The following TRPM8 variants were observed in gnomAD, a reference collection of about 807,000 sequenced individuals.
The protein encoded by TRPM8 is transient receptor potential cation channel subfamily M member 8.
TRPM8 carries 110 observed loss-of-function variants against 133.7 expected under a neutral mutation model. The observed-to-expected ratio is 0.82, with a 90% CI of 0.70 to 0.96. The LOEUF (loss-of-function observed/expected upper bound fraction) is 0.96, where lower values mean the gene tolerates loss of function less well. TRPM8 is among the 40% of genes least tolerant of loss of function. The probability of loss-of-function intolerance (pLI) is 0.00; values close to 1 mark genes in which losing one functional copy is unlikely to be tolerated. For synonymous variants in TRPM8, 535 were observed against 532.3 expected (o/e 1.01, Z -0.07); for missense variants, 1,291 against 1,379.5 (o/e 0.94, Z 1.02).
intron 21 of TRPM8, among the ~76,000 whole-genome samples, 177 bp from the exon 22 acceptor site, chr2:233,996,148 GA>G (rs150846828): frequency 1.1e-3 from 171 of 149,500 alleles, no homozygotes; most frequent in African/African-American, 4.1e-3. Context: ...AGCATGAATT[GA>G]AGGTCACTTT....
intron 8 of TRPM8, chr2:233,947,692 C>A: frequency 9.8e-7 from 1 of 1,016,510 alleles, no homozygotes; most frequent in Non-Finnish European, 1.3e-6. Context: ...TTTGACTTCC[C>A]AGCCAATCTG....
At chr2:233,996,238 T>C (rs921989700) in intron 21 of TRPM8, 88 bp from the exon 22 acceptor site, 18 of 1,223,610 alleles carry the variant, frequency 1.5e-5, no homozygotes, top group Middle Eastern at 5.4e-4. Context: ...ATTGCAGTAA[T>C]AGCTTAATAC....
At chr2:233,936,644 G>T (rs1690750645) in intron 3 of TRPM8, among the ~76,000 whole-genome samples, 1 of 152,220 alleles carries the variant, frequency 6.6e-6, no homozygotes, top group Non-Finnish European at 1.5e-5. Context: ...TACTGGCTGG[G>T]CAAACTGGCA....
chr2:233,939,001 A>G lies in TRPM8; in HGVS notation c.352A>G (p.Ile118Val), dbSNP rs1690832516. Residue 118 changes from isoleucine (I) to valine (V), a missense_variant, in exon 5 of 26, where the codon ATA (isoleucine) becomes GTA (valine). This residue lies in a region of TRPM8 where 963 missense variants were observed against 968.9 expected (regional missense o/e 0.99). Transcript: ENST00000324695. ...FETLGKKGKY[I>V]RLSCDTDAEI... is the part of the protein sequence containing the mutation. The stretch of plus-strand genomic sequence containing the variant: ...ACTTCTGCTTCTCTCCCCATAGTAT[A>G]TACGTCTGTCCTGCGACACGGACGC... 1 of 1,614,142 alleles carries G rather than the reference A, an allele frequency of 6.2e-7. No individual in the cohort carries two copies. The highest frequency in any genetic ancestry group is 8.5e-7 in the Non-Finnish European group (1 of 1,180,014).
intron 17 of TRPM8, 146 bp from the exon 18 acceptor site, chr2:233,980,042 A>G: frequency 6.1e-6 from 4 of 656,264 alleles, no homozygotes; most frequent in Non-Finnish European, 1.1e-5. Flanking sequence ...GGCACGTGGT[A>G]GGGCTCACTT....
intron 1 of TRPM8, among the ~76,000 whole-genome samples, chr2:233,925,058 C>T (rs1691487262): frequency 6.6e-6 from 1 of 152,158 alleles, no homozygotes; most frequent in Admixed American, 6.5e-5. Context: ...ATGGAGGAGT[C>T]ATGGCCCCCT....
chr2:233,948,352 C>T (rs1691093549), intron 8 of TRPM8, among the ~76,000 whole-genome samples: 1 of 152,084 alleles, frequency 6.6e-6, no homozygotes, highest in Middle Eastern at 3.4e-3. Flanking sequence ...GTATTAAAAC[C>T]TTTTTATGCC....
At chr2:234,001,957 G>A (rs1692576827) in intron 22 of TRPM8, among the ~76,000 whole-genome samples, 1 of 152,198 alleles carries the variant, frequency 6.6e-6, no homozygotes. Flanking sequence ...GAAGCTATCT[G>A]TGCCCTCGAG....
In TRPM8 at chr2:233,989,152, G is replaced by A. The variant is rs530833041; in HGVS notation, c.2939+3287G>A. ...AATCTATGCACATGAGCTGTCTGAA[G>A]GAGCCATTCATGAGAACCGGGCACT... On this transcript the variant is annotated intron_variant, in intron 21 of 25. Coordinates refer to ENST00000324695, the MANE Select transcript of TRPM8 (RefSeq NM_024080.5). The surrounding 1 kb of genome is among the most constrained non-coding windows in gnomAD (Gnocchi z 4.2). 3.3e-5 allele frequency among the ~76,000 whole-genome samples: 5 copies of A among 152,330 alleles called. No homozygotes were observed. The highest frequency in any genetic ancestry group is 1.2e-4 in the African/African-American group (5 of 41,582).
chr2:234,014,361 C>T (rs1692909325), intron 24 of TRPM8, among the ~76,000 whole-genome samples: 1 of 152,088 alleles, frequency 6.6e-6, no homozygotes, highest in African/African-American at 2.4e-5. Flanking sequence ...TTACTAATTG[C>T]TAGTGATATG....
At chr2:234,016,180 G>A (rs956716281) in intron 25 of TRPM8, among the ~76,000 whole-genome samples, 7 of 151,938 alleles carry the variant, frequency 4.6e-5, no homozygotes, top group Non-Finnish European at 8.8e-5. Context: ...CTAAGAGAAG[G>A]ACATCACTTA....
intron 3 of TRPM8, 134 bp downstream of exon 3, chr2:233,930,875 C>T (rs894900237): frequency 1.3e-5 from 8 of 612,036 alleles, no homozygotes; most frequent in East Asian, 2.7e-5. Context: ...ACACTGTTTG[C>T]GCAGGAAGGA....
At chr2:234,008,832 A>G (rs568505762) in intron 24 of TRPM8, among the ~76,000 whole-genome samples, 1 of 152,342 alleles carries the variant, frequency 6.6e-6, no homozygotes, top group African/African-American at 2.4e-5. Flanking sequence ...TGAATAAATG[A>G]ACAAAAGGGG....
rs759810699 is a variant in TRPM8 at position 233,953,931 on chromosome 2, C to T, written c.1155C>T (p.Leu385=). The change falls in exon 10 of 26, where the codon CTC becomes CTT. Residue 385 remains leucine, a synonymous_variant. Transcript: ENST00000324695. ...AATTTCGCCAGCTCAAAGAAATTCT[C>T]GAATGTTCTCACCTATTAACAGTTA... ...ESWIKWLKEI[L]ECSHLLTVIK... is the part of the protein sequence containing the mutation. 20 of 1,611,386 alleles carry T rather than the reference C, an allele frequency of 1.2e-5. No individual in the cohort carries two copies. The highest frequency in any genetic ancestry group is 4.5e-5 in the East Asian group (2 of 44,862).
chr2:234,004,813 T>A (rs1175155262), intron 22 of TRPM8, among the ~76,000 whole-genome samples: 1 of 152,254 alleles, frequency 6.6e-6, no homozygotes, highest in East Asian at 1.9e-4. Flanking sequence ...TCTGTTATTT[T>A]TGTGTGGGTG....
intron 25 of TRPM8, among the ~76,000 whole-genome samples, chr2:234,015,585 A>G (rs749587019): frequency 6.6e-6 from 1 of 152,154 alleles, no homozygotes; most frequent in Non-Finnish European, 1.5e-5. Flanking sequence ...CTATAGGGGA[A>G]ATCATGTTGC....
Position 233,969,689 on chromosome 2 carries a change from C to T in TRPM8, c.2026-6C>T, listed in dbSNP as rs755183588. On this transcript the variant is annotated splice_polypyrimidine_tract_variant and splice_region_variant and intron_variant, in intron 15 of 25. Transcript: ENST00000324695. The stretch of plus-strand genomic sequence containing the variant: ...GACCTTGTTCTCTGTCTTTGTTTCC[C>T]TGTAGAATTTTCTTTCTAAGCAATG... 6.4e-7 allele frequency: 1 copy of T among 1,566,308 alleles called. No homozygotes were observed.
At chr2:234,012,262 T>C (rs1183974847) in intron 24 of TRPM8, among the ~76,000 whole-genome samples, 4 of 151,758 alleles carry the variant, frequency 2.6e-5, no homozygotes, top group Non-Finnish European at 2.9e-5. Flanking sequence ...ATTCTCCTGC[T>C]TCAGCCTCCT....
Position 233,963,353 on chromosome 2 carries a change from A to G in TRPM8, c.1725A>G (p.Glu575=). The change falls in exon 13 of 26, where the codon GAA becomes GAG. Residue 575 remains glutamate, a synonymous_variant. Transcript: ENST00000324695. ...FIWAILQNKK[E]LSKVIWEQTR... Reference sequence around the variant, plus strand: ...GGGCCATTCTTCAGAATAAGAAGGAACTCTCCAAAGTCATTTGGGAGCAGG... The same window carrying G: ...GGGCCATTCTTCAGAATAAGAAGGAGCTCTCCAAAGTCATTTGGGAGCAGG... The G allele has an allele frequency of 6.2e-7, 1 of 1,612,884 alleles. No individual in the cohort carries two copies. The highest frequency in any genetic ancestry group is 1.1e-5 in the South Asian group (1 of 90,730).
Sources: allele counts gnomAD v4.1 joint callset (sites outside exome capture counted in the v4.1 genomes callset), GRCh38; gene constraint gnomAD v4.1.1; regional missense constraint gnomAD v4.1.1; non-coding constraint Gnocchi (gnomAD v3.1); transcripts MANE v1.5; gene names NCBI Gene and HGNC (gene_info 2026-07-23, HGNC 2026-07-21).